ENPEP: variants seen among roughly 807,000 people sequenced by gnomAD.
The protein encoded by ENPEP is glutamyl aminopeptidase.
Under a neutral mutation model 114.5 loss-of-function variants are expected in ENPEP, and 103 were observed. The observed-to-expected ratio is 0.90, with a 90% confidence interval of 0.77 to 1.06. ENPEP has a LOEUF of 1.06. Among genes scored for constraint, ENPEP ranks in the 50% least tolerant of loss-of-function variants. The pLI, the probability that ENPEP is intolerant of heterozygous loss-of-function variation, is 0.00. For missense variants in ENPEP, 1,196 were observed against 1,161.3 expected (o/e 1.03, Z -0.43); for synonymous variants, 420 against 422.0 (o/e 1.00, Z 0.06).
At chr4:110,491,774 G>A (rs182112805) in intron 3 of ENPEP, among the ~76,000 whole-genome samples, 252 of 144,434 alleles carry the variant, frequency 1.7e-3, no homozygotes, top group Non-Finnish European at 3.3e-3. Context: ...AGGCTAGGGT[G>A]CAGTGACACG....
Position 110,562,801 on chromosome 4 carries a change from A to G in ENPEP, c.*1243A>G, listed in dbSNP as rs968640100. ...GTAAGTTACTATGTTTCAATCTGCT[A>G]TATCTAGAAAATCTAAATTTATTTG... is the stretch of plus-strand genomic sequence containing the variant. On this transcript the variant is annotated 3_prime_UTR_variant, in exon 20 of 20. Transcript: ENST00000265162. 2.0e-5 allele frequency: 3 copies of G among 152,304 alleles called. No individual in the cohort carries two copies. Among genetic ancestry groups the G allele is most frequent in the East Asian group, 1.9e-4 (1 of 5,188 alleles). 9.4% of individuals were successfully genotyped at this position (152,304 alleles called of 1,614,324 possible). A position where few individuals can be genotyped will look rare whatever the true frequency, so the allele number is the denominator to read the frequency against.
rs568753070 is a variant in ENPEP, at chr4:110,477,512, A to AT, written c.644+464dup. ...GTAAATTTCAGTTATTATTTTGTCC[A>AT]TTTTTTTTTTGTCCAATGTCTCTTT... On this transcript the variant is annotated intron_variant, in intron 1 of 19. Transcript: ENST00000265162. 5.9e-3 allele frequency among the ~76,000 whole-genome samples: 873 copies of AT among 148,896 alleles called. 10 individuals are homozygous for AT. Among genetic ancestry groups the AT allele is most frequent in the Middle Eastern group, 6.9e-3 (2 of 288 alleles).
intron 9 of ENPEP, 60 bp downstream of exon 9, chr4:110,520,133 T>C (rs1039381156): frequency 1.4e-5 from 23 of 1,594,838 alleles, no homozygotes; most frequent in African/African-American, 8.1e-5. Context: ...GGCTTACCAA[T>C]CATTTTCTAA....
intron 13 of ENPEP, among the ~76,000 whole-genome samples, chr4:110,544,772 C>G (rs1726991955): frequency 6.6e-6 from 1 of 152,036 alleles, no homozygotes; most frequent in Non-Finnish European, 1.5e-5. Flanking sequence ...GAAAGAAAGC[C>G]TCTTGAACAG....
intron 3 of ENPEP, among the ~76,000 whole-genome samples, chr4:110,494,552 T>G (rs1724854409): frequency 6.6e-6 from 1 of 152,184 alleles, no homozygotes; most frequent in Admixed American, 6.6e-5. Flanking sequence ...TTGGGTATAT[T>G]CACCTCTCTG....
At chr4:110,505,067 C>T (rs538661705) in intron 3 of ENPEP, among the ~76,000 whole-genome samples, 78 of 152,300 alleles carry the variant, frequency 5.1e-4, no homozygotes, top group African/African-American at 1.7e-3. Context: ...AATTAGTTCA[C>T]AGAAGAAAAA....
chr4:110,493,180 G>A (rs1429418180), intron 3 of ENPEP, among the ~76,000 whole-genome samples: 2 of 152,154 alleles, frequency 1.3e-5, no homozygotes, highest in African/African-American at 4.8e-5. Context: ...TAAATCACTA[G>A]AGCCTGTACC....
rs575562371 is a variant in ENPEP, at chr4:110,497,583, A to G, written c.918+6419A>G. Among the ~76,000 whole-genome samples the G allele has an allele frequency of 1.6e-4, 25 of 152,332 alleles. No homozygotes were observed. In the South Asian group the frequency reaches 5.2e-3, roughly 32 times the overall value. ...TAAATTTTAACTTAAATGGAAAGTA[A>G]GTGGCCAATAAATGCTTTGTGTAAC... On this transcript the variant is annotated intron_variant, in intron 3 of 19. Coordinates refer to ENST00000265162, the MANE Select transcript of ENPEP (RefSeq NM_001977.4).
At chr4:110,493,352 A>G (rs62336836) in intron 3 of ENPEP, among the ~76,000 whole-genome samples, 9 of 152,228 alleles carry the variant, frequency 5.9e-5, no homozygotes, top group Non-Finnish European at 1.3e-4. Flanking sequence ...TTTGTTTTAA[A>G]TAAGTGATGC....
intron 10 of ENPEP, among the ~76,000 whole-genome samples, chr4:110,529,927 T>C (rs201618748): frequency 1.4e-5 from 2 of 140,022 alleles, no homozygotes; most frequent in African/African-American, 2.6e-5. Context: ...TACAAAAAAA[T>C]TGGTTGGGTG....
At chr4:110,540,142 G>T (rs1443131462) in intron 11 of ENPEP, among the ~76,000 whole-genome samples, 5 of 152,122 alleles carry the variant, frequency 3.3e-5, no homozygotes, top group Admixed American at 3.3e-4. Context: ...GATACAGCAT[G>T]ATATGTCCAT....
chr4:110,532,930 A>G (rs745373147), intron 11 of ENPEP, among the ~76,000 whole-genome samples: 14 of 152,122 alleles, frequency 9.2e-5, no homozygotes, highest in Non-Finnish European at 1.9e-4. Flanking sequence ...TACACTTGCC[A>G]GAGGAAAAGG....
chr4:110,487,446 T>TA (rs1033038031), intron 1 of ENPEP, among the ~76,000 whole-genome samples: 1 of 152,206 alleles, frequency 6.6e-6, no homozygotes, highest in Non-Finnish European at 1.5e-5. Context: ...TTTCCTCTGT[T>TA]ATAATTTTGC....
intron 3 of ENPEP, among the ~76,000 whole-genome samples, chr4:110,499,653 G>A (rs557710959): frequency 6.6e-6 from 1 of 152,192 alleles, no homozygotes; most frequent in East Asian, 1.9e-4. Flanking sequence ...TATAATCAGT[G>A]ATACTTCTGC....
intron 18 of ENPEP, among the ~76,000 whole-genome samples, chr4:110,554,310 C>G (rs1191310269): frequency 6.6e-6 from 1 of 152,004 alleles, no homozygotes; most frequent in Non-Finnish European, 1.5e-5. Context: ...AATACCAACT[C>G]TAATTATAAC....
chr4:110,510,204 C>G, intron 5 of ENPEP, 41 bp from the exon 6 acceptor site: 1 of 1,517,962 alleles, frequency 6.6e-7, no homozygotes, highest in Non-Finnish European at 9.2e-7. Context: ...TCTACCATAC[C>G]CATAAGAATG....
intron 1 of ENPEP, among the ~76,000 whole-genome samples, chr4:110,479,604 G>A (rs79941701): frequency 2.0e-5 from 3 of 151,956 alleles, no homozygotes; most frequent in East Asian, 3.9e-4. Context: ...GTATGAAAGC[G>A]ACTATTCCTC....
In ENPEP at chr4:110,509,770, G is replaced by A. The variant is rs200606594; in HGVS notation, c.1157G>A (p.Arg386Lys). 6.6e-5 allele frequency: 106 copies of A among 1,614,016 alleles called. No individual in the cohort carries two copies. The highest frequency in any genetic ancestry group is 7.5e-5 in the Non-Finnish European group (89 of 1,180,020). ...PKESASSNQQ[R>K]VATVVAHELV... ...GAATCAGCCTCATCAAACCAACAGAGGGTGGCCACTGTGGTTGCCCATGAA... is the reference window on the plus strand; with the variant it reads ...GAATCAGCCTCATCAAACCAACAGAAGGTGGCCACTGTGGTTGCCCATGAA... Residue 386 changes from arginine (R) to lysine (K), a missense_variant, in exon 5 of 20, where the codon AGG becomes AAG. Coordinates refer to ENST00000265162, the MANE Select transcript of ENPEP (RefSeq NM_001977.4).
intron 8 of ENPEP, chr4:110,519,230 G>A (rs575299041): frequency 4.0e-5 from 16 of 399,300 alleles, no homozygotes; most frequent in East Asian, 7.2e-5. Flanking sequence ...AGGAGGTAAC[G>A]TGATTTAGGT....
Sources: gnomAD v4.1 joint callset for allele counts (sites outside exome capture counted in the v4.1 genomes callset) on GRCh38, gnomAD v4.1.1 for gene constraint, MANE v1.5 for transcripts, NCBI Gene and HGNC (gene_info 2026-07-23, HGNC 2026-07-21) for gene names.